The following MYOF variants were observed in gnomAD, a reference collection of about 807,000 sequenced individuals.
MYOF encodes fer-1-like 3, myoferlin.
MYOF carries 244 observed loss-of-function variants against 284.2 expected under a neutral mutation model. The ratio of observed to expected loss-of-function variants is 0.86; its 90% confidence interval spans 0.77 to 0.95. MYOF has a LOEUF of 0.95. Among genes scored for constraint, MYOF ranks in the 40% least tolerant of loss-of-function variants. The probability of loss-of-function intolerance (pLI) is 0.00; values close to 1 mark genes in which losing one functional copy is unlikely to be tolerated. For synonymous variants in MYOF, 904 were observed against 919.7 expected, an observed-to-expected ratio of 0.98 and a Z score of 0.31; for missense variants, 2,496 against 2,560.6, an observed-to-expected ratio of 0.97 and a Z score of 0.54.
chr10:93,406,289 TA>T (rs1445097630), intron 7 of MYOF, among the ~76,000 whole-genome samples: 8 of 12,958 alleles, frequency 6.2e-4, no homozygotes, highest in Admixed American at 1.4e-3. Context: ...AAACCTCTTT[TA>T]TATATATATA....
intron 49 of MYOF, among the ~76,000 whole-genome samples, chr10:93,317,200 A>C (rs1033211863): frequency 2.2e-4 from 32 of 146,786 alleles, no homozygotes; most frequent in African/African-American, 7.3e-4. Context: ...ACTTCTGCTC[A>C]GCAACTTTCT....
intron 1 of MYOF, among the ~76,000 whole-genome samples, chr10:93,468,733 T>G (rs1356933305): frequency 2.6e-5 from 4 of 152,158 alleles, no homozygotes; most frequent in Non-Finnish European, 5.9e-5. Context: ...CAACCCTCCT[T>G]CCTATGCTGT....
At chr10:93,477,404 A>C (rs887181829) in intron 1 of MYOF, among the ~76,000 whole-genome samples, 3 of 152,058 alleles carry the variant, frequency 2.0e-5, no homozygotes, top group Admixed American at 6.6e-5. Flanking sequence ...AGGCAGGAGA[A>C]TCACTTAAAC....
chr10:93,441,642 C>T (rs1342127952), intron 3 of MYOF, among the ~76,000 whole-genome samples: 1 of 150,824 alleles, frequency 6.6e-6, no homozygotes, highest in Non-Finnish European at 1.5e-5. Context: ...CGGCTCACTG[C>T]AACCTCTGCC....
In MYOF at chr10:93,452,033, A is replaced by T. The variant is rs764069905; in HGVS notation, c.236+17T>A. 1.3e-6 allele frequency: 2 copies of T among 1,546,574 alleles called. No homozygotes were observed. Among genetic ancestry groups the T allele is most frequent in the East Asian group, 4.5e-5 (2 of 44,574 alleles). On this transcript the variant is annotated intron_variant, in intron 3 of 53. Coordinates refer to ENST00000359263, the MANE Select transcript of MYOF (RefSeq NM_013451.4). ...TAGTAATACCTAAAATGAGAAAAAC[A>T]GGTGAAAACAACTTACTTATTTTGT...
intron 29 of MYOF, 146 bp downstream of exon 29, chr10:93,359,687 G>T: frequency 2.1e-6 from 2 of 956,352 alleles, no homozygotes; most frequent in Non-Finnish European, 3.1e-6. Flanking sequence ...ATTGCTGGCT[G>T]GGGTGGGCTC....
At position 93,341,619 on chromosome 10, in the gene MYOF, G is replaced by T. The variant is rs541163456; in HGVS notation, c.4327-1455C>A. Among the ~76,000 whole-genome samples, 13 of 152,316 alleles carry T rather than the reference G, an allele frequency of 8.5e-5. No homozygotes were observed. In the South Asian group the frequency reaches 1.9e-3, roughly 22 times the overall value. ...GACAAGTTGCTGATTTTAAACTTTA[G>T]AATTAGTATGGGAGAATTTATTCAT... On this transcript the variant is annotated intron_variant, in intron 38 of 53. Coordinates refer to ENST00000359263, the MANE Select transcript of MYOF (RefSeq NM_013451.4).
Position 93,351,211 on chromosome 10 carries a change from G to C in MYOF, c.3907C>G (p.Leu1303Val). 1 of 1,614,184 alleles carries C rather than the reference G, an allele frequency of 6.2e-7. No homozygotes were observed. The highest frequency in any genetic ancestry group is 8.5e-7 in the Non-Finnish European group (1 of 1,180,024). Residue 1303 changes from leucine (L) to valine (V), a missense_variant, in exon 35 of 54, where the codon CTC becomes GTC. Leu to Val is a conservative substitution (Grantham distance 32). Coordinates refer to ENST00000359263, the MANE Select transcript of MYOF (RefSeq NM_013451.4). ...VPQGIRPVVQ[L>V]TAIEILAWGL... Reference sequence around the variant, plus strand: ...GAGCAGCATACCTCAATGGCAGTGAGCTGGACCACAGGCCTGATCCCCTGG... The same window carrying C: ...GAGCAGCATACCTCAATGGCAGTGACCTGGACCACAGGCCTGATCCCCTGG...
intron 29 of MYOF, among the ~76,000 whole-genome samples, chr10:93,357,692 G>T (rs1844870499): frequency 6.6e-6 from 1 of 152,214 alleles, no homozygotes; most frequent in African/African-American, 2.4e-5. Flanking sequence ...TAAAATGCAG[G>T]TTAAGCATAA....
intron 37 of MYOF, among the ~76,000 whole-genome samples, chr10:93,345,268 A>G (rs1032506329): frequency 1.3e-5 from 2 of 152,208 alleles, no homozygotes; most frequent in Non-Finnish European, 2.9e-5. Context: ...CCTGTAGAAT[A>G]TGTGCCATTA....
chr10:93,434,032 C>G (rs11597704), intron 3 of MYOF, among the ~76,000 whole-genome samples: 21,528 of 152,090 alleles, frequency 0.14, 1,606 homozygotes, highest in Middle Eastern at 0.2. Flanking sequence ...GACAGGAGCC[C>G]CCTGTACATG....
intron 3 of MYOF, among the ~76,000 whole-genome samples, chr10:93,432,469 G>A (rs980124567): frequency 2.0e-5 from 3 of 152,032 alleles, no homozygotes; most frequent in Non-Finnish European, 4.4e-5. Flanking sequence ...AGAAAAGTAG[G>A]ACAAAATTCA....
intron 5 of MYOF, among the ~76,000 whole-genome samples, chr10:93,412,984 ACTTC>A (rs1847970069): frequency 6.6e-6 from 1 of 152,072 alleles, no homozygotes; most frequent in Non-Finnish European, 1.5e-5. Context: ...GCGAAGACGA[ACTTC>A]CTTCCATCAT....
chr10:93,378,033 A>C (rs1195822919), intron 21 of MYOF, among the ~76,000 whole-genome samples: 1 of 152,248 alleles, frequency 6.6e-6, no homozygotes, highest in African/African-American at 2.4e-5. Context: ...TTTCAGTAGT[A>C]GTGAGCACTG....
At chr10:93,470,114 A>G (rs1313338902) in intron 1 of MYOF, among the ~76,000 whole-genome samples, 1 of 151,420 alleles carries the variant, frequency 6.6e-6, no homozygotes, top group Non-Finnish European at 1.5e-5. Context: ...CTGAAATCCC[A>G]GCTACTTGGG....
intron 21 of MYOF, among the ~76,000 whole-genome samples, chr10:93,379,415 A>G (rs567187986): frequency 1.4e-4 from 22 of 152,178 alleles, no homozygotes; most frequent in Non-Finnish European, 2.8e-4. Context: ...ATGCCTGCCC[A>G]GGCATAAGAC....
At chr10:93,474,432 C>T (rs1200302448) in intron 1 of MYOF, among the ~76,000 whole-genome samples, 1 of 152,182 alleles carries the variant, frequency 6.6e-6, no homozygotes, top group African/African-American at 2.4e-5. Context: ...AAAACCAAGC[C>T]AAATGACACT....
intron 3 of MYOF, among the ~76,000 whole-genome samples, chr10:93,434,088 C>T (rs1418961378): frequency 3.9e-5 from 6 of 152,124 alleles, no homozygotes; most frequent in African/African-American, 1.2e-4. Flanking sequence ...CCACACAAGA[C>T]GATCAACAAC....
intron 42 of MYOF, 138 bp downstream of exon 42, chr10:93,333,620 C>A: frequency 5.9e-6 from 7 of 1,196,412 alleles, no homozygotes; most frequent in Non-Finnish European, 8.2e-6. Context: ...GGACAATCCT[C>A]CTGAATACAT....
Sources: gnomAD v4.1 joint callset for allele counts (sites outside exome capture counted in the v4.1 genomes callset) on GRCh38, gnomAD v4.1.1 for gene constraint, MANE v1.5 for transcripts, NCBI Gene and HGNC (gene_info 2026-07-23, HGNC 2026-07-21) for gene names.